RIN3: variants seen among roughly 807,000 people sequenced by gnomAD.
The protein encoded by RIN3 is RAB5 interacting protein 3.
RIN3 carries 54 observed loss-of-function variants against 76.3 expected under a neutral mutation model. That is an observed-to-expected ratio of 0.71 (90% CI 0.57 to 0.89). The LOEUF (loss-of-function observed/expected upper bound fraction) is 0.89. Ranked by LOEUF, RIN3 falls within the 40% of genes least tolerant of loss-of-function variation. RIN3 has a pLI of 0.00. For missense variants in RIN3, 1,256 were observed against 1,322.1 expected (o/e 0.95, Z 0.78); for synonymous variants, 576 against 564.0 (o/e 1.02, Z -0.30).
chr14:92,585,302 G>A (rs1488347549), intron 3 of RIN3, among the ~76,000 whole-genome samples: 2 of 152,110 alleles, frequency 1.3e-5, no homozygotes, highest in African/African-American at 4.8e-5. Context: ...TAGGATAATG[G>A]GTCAGCTGGT....
At chr14:92,575,969 C>G (rs993567790) in intron 2 of RIN3, among the ~76,000 whole-genome samples, 4 of 152,146 alleles carry the variant, frequency 2.6e-5, no homozygotes, top group African/African-American at 7.2e-5. Context: ...TGCTCCACAG[C>G]CTTTCTTCAG....
At position 92,684,909 on chromosome 14, in the gene RIN3, G is replaced by A. The variant is rs1888793303; in HGVS notation, c.2468-78G>A. On this transcript the variant is annotated intron_variant, in intron 8 of 9. Coordinates refer to ENST00000216487, the MANE Select transcript of RIN3 (RefSeq NM_024832.5). ...GTGGTGGGCGGGGCTTGGAGGAGGT[G>A]GGTGGGGCAGGCCAAGCTCCTTGCC... 3.4e-6 allele frequency: 5 copies of A among 1,471,648 alleles called. No homozygotes were observed. The East Asian group carries it at 6.9e-5, about 20-fold the overall frequency. 91.2% of individuals were successfully genotyped at this position (1,471,648 alleles called of 1,614,324 possible).
At chr14:92,676,679 G>A (rs1463333264) in intron 8 of RIN3, 73 bp downstream of exon 8, 14 of 1,536,236 alleles carry the variant, frequency 9.1e-6, no homozygotes, top group African/African-American at 4.1e-5. Flanking sequence ...CACTCTAGGT[G>A]GCCCAACAAG....
At chr14:92,624,648 C>A (rs1244130444) in intron 4 of RIN3, among the ~76,000 whole-genome samples, 2 of 152,100 alleles carry the variant, frequency 1.3e-5, no homozygotes, top group African/African-American at 2.4e-5. Flanking sequence ...CTTTGGAGAT[C>A]CCCACAAGGT....
intron 2 of RIN3, among the ~76,000 whole-genome samples, chr14:92,562,667 G>T (rs1364406375): frequency 6.6e-6 from 1 of 152,092 alleles, no homozygotes; most frequent in Non-Finnish European, 1.5e-5. Context: ...TGCCCTCACT[G>T]TGCATGTGGG....
chr14:92,616,582 T>G (rs895047118), intron 4 of RIN3, among the ~76,000 whole-genome samples: 1 of 152,024 alleles, frequency 6.6e-6, no homozygotes, highest in South Asian at 2.1e-4. Context: ...GAGGGACCAA[T>G]GATCTTTTTT....
intron 3 of RIN3, among the ~76,000 whole-genome samples, chr14:92,607,864 T>A (rs1405941846): frequency 2.6e-5 from 4 of 152,202 alleles, no homozygotes; most frequent in African/African-American, 9.7e-5. Flanking sequence ...AACTGTTGAT[T>A]CACGGAACAA....
Position 92,651,398 on chromosome 14 carries a change from G to A in RIN3, c.533-184G>A, listed in dbSNP as rs1252212724. ...ACTGAGTGGGGCTTCCCCTCTCGAGGCAGGAAGTGGTGGGAGAGGTTTGAA... is the reference window on the plus strand; with the variant it reads ...ACTGAGTGGGGCTTCCCCTCTCGAGACAGGAAGTGGTGGGAGAGGTTTGAA... On this transcript the variant is annotated intron_variant, in intron 5 of 9. Transcript: ENST00000216487. 2.0e-5 allele frequency among the ~76,000 whole-genome samples: 3 copies of A among 151,930 alleles called. No homozygotes were observed. In the East Asian group the frequency reaches 5.8e-4, roughly 29 times the overall value.
intron 1 of RIN3, among the ~76,000 whole-genome samples, chr14:92,553,513 C>T (rs533899246): frequency 1.3e-5 from 2 of 152,262 alleles, no homozygotes; most frequent in East Asian, 1.9e-4. Context: ...CTCAATTCCA[C>T]AGCCTGTGGA....
chr14:92,583,217 C>T (rs965962089), intron 3 of RIN3, among the ~76,000 whole-genome samples: 2 of 152,190 alleles, frequency 1.3e-5, no homozygotes, highest in African/African-American at 4.8e-5. Context: ...GTTGGGGTTC[C>T]CCACACAGAG....
chr14:92,527,829 T>G (rs927977581), intron 1 of RIN3, among the ~76,000 whole-genome samples: 2 of 151,960 alleles, frequency 1.3e-5, no homozygotes, highest in East Asian at 1.9e-4. Flanking sequence ...GACTCGAGAG[T>G]CCATTCCTCT....
chr14:92,545,202 C>T (rs969265402), intron 1 of RIN3, among the ~76,000 whole-genome samples: 1 of 149,170 alleles, frequency 6.7e-6, no homozygotes, highest in East Asian at 2.0e-4. Context: ...CTCCGCCTCC[C>T]GGGTTCATGC....
intron 3 of RIN3, among the ~76,000 whole-genome samples, chr14:92,579,723 G>A (rs148353540): frequency 9.6e-4 from 147 of 152,364 alleles, no homozygotes; most frequent in Non-Finnish European, 1.8e-3. Flanking sequence ...CTGGGAAGAT[G>A]CAAAGATGAA....
intron 3 of RIN3, among the ~76,000 whole-genome samples, chr14:92,591,012 TAG>T (rs1365003147): frequency 2.0e-5 from 3 of 152,166 alleles, no homozygotes; most frequent in Non-Finnish European, 4.4e-5. Flanking sequence ...TCACATATGG[TAG>T]AGAGGTTGGA....
chr14:92,566,657 A>C (rs1897923440), intron 2 of RIN3, among the ~76,000 whole-genome samples: 1 of 152,180 alleles, frequency 6.6e-6, no homozygotes, highest in South Asian at 2.1e-4. Flanking sequence ...GGCAGGGACT[A>C]TTATGACCCC....
At position 92,651,911 on chromosome 14, in the gene RIN3, CCCCT is replaced by C; in HGVS notation, c.863_866del (p.Pro288ArgfsTer50). ...CCCACCACCCCCTCCCCCAGTGCTG[CCCCT>C]GCAGCCCTGCAGCCCAGCCCAGCCC... On this transcript the variant is annotated frameshift_variant, in exon 6 of 10. Transcript: ENST00000216487. LOFTEE classifies it high-confidence loss of function. 1 of 1,333,568 alleles carries C rather than the reference CCCCT, an allele frequency of 7.5e-7. No individual in the cohort carries two copies. Among genetic ancestry groups the C allele is most frequent in the African/African-American group, 1.6e-5 (1 of 61,660 alleles). The allele number at this position is 1,333,568 out of a possible 1,614,324, so 82.6% of individuals were successfully genotyped here. A position where few individuals can be genotyped will look rare whatever the true frequency, so the allele number is the denominator to read the frequency against.
Position 92,568,631 on chromosome 14 carries a change from A to G in RIN3, c.250-8729A>G, listed in dbSNP as rs1245192853. 6.6e-6 allele frequency among the ~76,000 whole-genome samples: 1 copy of G among 152,164 alleles called. No homozygotes were observed. The highest frequency in any genetic ancestry group is 1.5e-5 in the Non-Finnish European group (1 of 68,030). On this transcript the variant is annotated intron_variant, in intron 2 of 9. Coordinates refer to ENST00000216487, the MANE Select transcript of RIN3 (RefSeq NM_024832.5). This position sits in a 1 kb window ranked among gnomAD's most constrained non-coding sequence, Gnocchi z 4.2. Reference sequence around the variant, plus strand: ...GTACCTGTCAGTGTCACCCTCACCCATGGCCACCTGGGCAGGAAACGTCAG... The same window carrying G: ...GTACCTGTCAGTGTCACCCTCACCCGTGGCCACCTGGGCAGGAAACGTCAG...
In RIN3 at chr14:92,513,896, G is replaced by C. The variant is rs1018941709; in HGVS notation, c.-37G>C. On this transcript the variant is annotated 5_prime_UTR_variant, in exon 1 of 10. An upstream open reading frame in the 5' UTR loses its in-frame stop. Transcript: ENST00000216487. ...CCGCGTTCCGCGCGGCCCGGCGCCTGAGCGCCTCCGTTCCCCGTCCCGGAG... is the reference window on the plus strand; with the variant it reads ...CCGCGTTCCGCGCGGCCCGGCGCCTCAGCGCCTCCGTTCCCCGTCCCGGAG... 5 of 1,252,558 alleles carry C rather than the reference G, an allele frequency of 4.0e-6. No homozygotes were observed. In the South Asian group the frequency reaches 1.2e-4, roughly 30 times the overall value. The allele number at this position is 1,252,558 out of a possible 1,614,324, so 77.6% of individuals were successfully genotyped here. A position where few individuals can be genotyped will look rare whatever the true frequency, so the allele number is the denominator to read the frequency against.
Position 92,688,092 on chromosome 14 carries a change from A to T in RIN3, c.2798A>T (p.Gln933Leu). The change falls in exon 10 of 10, where the codon CAG becomes CTG. Residue 933 changes from glutamine to leucine, a missense_variant. Around this residue, in one of 3 missense-constraint regions of RIN3, gnomAD observed 218 missense variants for 174.5 expected, o/e 1.25. Coordinates refer to ENST00000216487, the MANE Select transcript of RIN3 (RefSeq NM_024832.5). ...GTGCTGGTGGACGGGCGCTGCTTCC[A>T]GCTGGCGGACGACGCGCTGCCGCAC... ...LFVLVDGRCFQLADDALPHCI... is the reference protein window; with the variant it reads ...LFVLVDGRCFLLADDALPHCI... 6.2e-7 allele frequency: 1 copy of T among 1,607,132 alleles called. No homozygotes were observed. The highest frequency in any genetic ancestry group is 8.5e-7 in the Non-Finnish European group (1 of 1,177,672).
Sources: gnomAD v4.1 joint callset for allele counts (sites outside exome capture counted in the v4.1 genomes callset) on GRCh38, gnomAD v4.1.1 for gene constraint, gnomAD v4.1.1 regional missense constraint, Gnocchi (gnomAD v3.1) non-coding constraint, MANE v1.5 for transcripts, NCBI Gene and HGNC (gene_info 2026-07-23, HGNC 2026-07-21) for gene names.